C9orf78: variants seen among roughly 807,000 people sequenced by gnomAD.
C9orf78 encodes splicing factor C9orf78.
In C9orf78, 19 loss-of-function variants were observed where a neutral mutation model predicts 37.4. That is an observed-to-expected ratio of 0.51 (90% CI 0.35 to 0.74). C9orf78 has a LOEUF of 0.74. C9orf78 is among the 30% of genes least tolerant of loss of function. C9orf78 has a pLI of 0.01. For synonymous variants in C9orf78, 130 were observed against 128.0 expected, an observed-to-expected ratio of 1.02 and a Z score of -0.10; for missense variants, 291 against 370.8, an observed-to-expected ratio of 0.78 and a Z score of 1.77.
At chr9:129,828,914 T>C (rs755294045) in intron 8 of C9orf78, 2 of 482,520 alleles carry the variant, frequency 4.1e-6, no homozygotes, top group African/African-American at 2.0e-5. Flanking sequence ...GAGTAGCTTT[T>C]ATTTGTCCTT....
intron 8 of C9orf78, 64 bp downstream of exon 8, chr9:129,829,141 T>C (rs1254077248): frequency 1.7e-6 from 2 of 1,162,748 alleles, no homozygotes; most frequent in Non-Finnish European, 2.6e-6. Context: ...CGCTGCATCC[T>C]GCCTCCATGG....
chr9:129,834,555 G>A, intron 2 of C9orf78, 152 bp downstream of exon 2: 1 of 651,062 alleles, frequency 1.5e-6, no homozygotes. Flanking sequence ...TTAAACATTT[G>A]CAAAGAACGC....
intron 5 of C9orf78, chr9:129,831,364 T>C: frequency 2.3e-6 from 1 of 433,196 alleles, no homozygotes; most frequent in Non-Finnish European, 4.1e-6. Flanking sequence ...GCCCATGTTT[T>C]ATCCCTGCAA....
chr9:129,832,979 G>A (rs552645151), intron 4 of C9orf78, among the ~76,000 whole-genome samples: 8 of 142,252 alleles, frequency 5.6e-5, no homozygotes, highest in African/African-American at 7.7e-5. Context: ...ATATATATGC[G>A]TGTGTGTATA....
chr9:129,835,158 G>T lies in C9orf78; in HGVS notation c.64C>A (p.Gln22Lys). The T allele has an allele frequency of 6.2e-7, 1 of 1,611,284 alleles. No homozygotes were observed. The highest frequency in any genetic ancestry group is 8.5e-7 in the Non-Finnish European group (1 of 1,178,654). ...ACGCACCGAACCTCCTCTGAGTCCT[G>T]CTCATCTTCCTCTGACTCCGAGTCG... ...RGDSESEEDE[Q>K]DSEEVRLKLE... Residue 22 changes from glutamine (Q) to lysine (K), a missense_variant, in exon 1 of 9, where the codon CAG (glutamine) becomes AAG (lysine). Coordinates refer to ENST00000372447, the MANE Select transcript of C9orf78 (RefSeq NM_016520.3).
At chr9:129,834,652 C>CA in intron 2 of C9orf78, 55 bp downstream of exon 2, 1 of 1,248,140 alleles carries the variant, frequency 8.0e-7, no homozygotes, top group South Asian at 1.2e-5. Context: ...GCGACCCGGA[C>CA]GCGGATGTGT....
chr9:129,828,596 G>A, intron 8 of C9orf78: 1 of 238,832 alleles, frequency 4.2e-6, no homozygotes, highest in Non-Finnish European at 8.4e-6. Flanking sequence ...GCTAATTTTT[G>A]TATTTTTAGT....
intron 6 of C9orf78, chr9:129,829,839 T>C (rs2031444996): frequency 7.2e-6 from 2 of 279,104 alleles, no homozygotes; most frequent in Non-Finnish European, 1.3e-5. Context: ...AGCTTTCTAC[T>C]GTACCAGAAG....
rs1019360255 is a variant in C9orf78, at chr9:129,834,498, A to T, written c.143+209T>A. ...ACGCGAGTTAGTGATCTGTTTCTGTATCTCTGGAGCACACCCCGAGACGAC... is the reference window on the plus strand; with the variant it reads ...ACGCGAGTTAGTGATCTGTTTCTGTTTCTCTGGAGCACACCCCGAGACGAC... On this transcript the variant is annotated intron_variant, in intron 2 of 8. Coordinates refer to ENST00000372447, the MANE Select transcript of C9orf78 (RefSeq NM_016520.3). 4 of 510,724 alleles carry T rather than the reference A, an allele frequency of 7.8e-6. No homozygotes were observed. The African/African-American group carries it at 8.0e-5, about 10-fold the overall frequency. 31.6% of individuals were successfully genotyped at this position (510,724 alleles called of 1,614,324 possible). A position where few individuals can be genotyped will look rare whatever the true frequency, so the allele number is the denominator to read the frequency against.
At chr9:129,832,881 C>G (rs1173698658) in intron 4 of C9orf78, among the ~76,000 whole-genome samples, 1 of 151,998 alleles carries the variant, frequency 6.6e-6, no homozygotes, top group Non-Finnish European at 1.5e-5. Context: ...CCTCAACCTC[C>G]CTGACTCAAG....
At chr9:129,829,126 T>TC in intron 8 of C9orf78, 79 bp downstream of exon 8, 1 of 974,518 alleles carries the variant, frequency 1.0e-6, no homozygotes. Flanking sequence ...CTCCACCCTG[T>TC]CCCCCGCTGC....
chr9:129,830,720 C>T (rs571353521), intron 6 of C9orf78, 151 bp downstream of exon 6: 14 of 630,120 alleles, frequency 2.2e-5, no homozygotes, highest in South Asian at 1.3e-4. Flanking sequence ...CCATCTTGGC[C>T]GGGCTGGTCT....
rs76146811 is a variant in C9orf78, at chr9:129,829,121, C to T, written c.778+84G>A. ...GCCCCGGCTCCAATGCCAGGCTCCA[C>T]CCTGTCCCCCGCTGCATCCTGCCTC... On this transcript the variant is annotated intron_variant, in intron 8 of 8. Coordinates refer to ENST00000372447, the MANE Select transcript of C9orf78 (RefSeq NM_016520.3). 11,261 of 945,338 alleles carry T rather than the reference C, an allele frequency of 0.012. 826 individuals carry two copies. The African/African-American group carries it at 0.16, about 13-fold the overall frequency. 58.6% of individuals were successfully genotyped at this position (945,338 alleles called of 1,614,324 possible). A position where few individuals can be genotyped will look rare whatever the true frequency, so the allele number is the denominator to read the frequency against.
chr9:129,835,159 C>T lies in C9orf78; in HGVS notation c.63G>A (p.Glu21=). The T allele has an allele frequency of 6.2e-7, 1 of 1,611,784 alleles. No homozygotes were observed. Among genetic ancestry groups the T allele is most frequent in the Non-Finnish European group, 8.5e-7 (1 of 1,178,984 alleles). ...CGCACCGAACCTCCTCTGAGTCCTG[C>T]TCATCTTCCTCTGACTCCGAGTCGC... The part of the protein sequence containing the change: ...RRGDSESEED[E]QDSEEVRLKL... The change falls in exon 1 of 9, where the codon GAG becomes GAA. Residue 21 remains glutamate (E), a synonymous_variant. Coordinates refer to ENST00000372447, the MANE Select transcript of C9orf78 (RefSeq NM_016520.3).
chr9:129,833,902 A>G, intron 2 of C9orf78, 193 bp from the exon 3 acceptor site: 2 of 591,682 alleles, frequency 3.4e-6, no homozygotes, highest in African/African-American at 1.9e-5. Context: ...ATGCTGGAAG[A>G]AGGGTGCGCT....
intron 2 of C9orf78, 71 bp from the exon 3 acceptor site, chr9:129,833,780 C>A: frequency 8.9e-7 from 1 of 1,128,400 alleles, no homozygotes; most frequent in South Asian, 1.3e-5. Context: ...AGGAGGAACC[C>A]TCTCAGGTAT....
At chr9:129,834,837 C>A in intron 1 of C9orf78, 71 bp from the exon 2 acceptor site, 1 of 1,217,014 alleles carries the variant, frequency 8.2e-7, no homozygotes, top group Non-Finnish European at 1.2e-6. Flanking sequence ...CTAACAGAGC[C>A]AATAAGGCAC....
rs774971405 is a variant in C9orf78, at chr9:129,828,169, G to A, written c.862C>T (p.Arg288Trp). 2.6e-6 allele frequency: 4 copies of A among 1,565,624 alleles called. No individual in the cohort carries two copies. Among genetic ancestry groups the A allele is most frequent in the Admixed American group, 1.7e-5 (1 of 59,734 alleles). ...ATCCCACTCTGCACAACTCAGTACC[G>A]CCTATTCATTTTCTTGAACTTCTCA... ...HYEKFKKMNR[R>W]Y Residue 288 changes from arginine to tryptophan, a missense_variant, in exon 9 of 9, where the codon CGG becomes TGG. Physicochemically the swap from Arg to Trp is moderately radical, Grantham distance 101. Around this residue, in one of 3 missense-constraint regions of C9orf78, gnomAD observed 120 missense variants for 148.7 expected, o/e 0.81. Coordinates refer to ENST00000372447, the MANE Select transcript of C9orf78 (RefSeq NM_016520.3).
chr9:129,833,811 A>T, intron 2 of C9orf78, 102 bp from the exon 3 acceptor site: 1 of 788,136 alleles, frequency 1.3e-6, no homozygotes, highest in Non-Finnish European at 2.1e-6. Context: ...ACATTAGTGC[A>T]AGGGTGGGAT....
Sources: allele counts gnomAD v4.1 joint callset (sites outside exome capture counted in the v4.1 genomes callset), GRCh38; gene constraint gnomAD v4.1.1; regional missense constraint gnomAD v4.1.1; transcripts MANE v1.5; gene names NCBI Gene and HGNC (gene_info 2026-07-23, HGNC 2026-07-21).